The following RNLS variants were observed in gnomAD, a reference collection of about 807,000 sequenced individuals.
The protein encoded by RNLS is renalase, FAD dependent amine oxidase, also known as renalase.
RNLS carries 39 observed loss-of-function variants against 39.8 expected under a neutral mutation model. That is an observed-to-expected ratio of 0.98 (90% CI 0.76 to 1.28). The LOEUF (loss-of-function observed/expected upper bound fraction) is 1.28, where lower values mean the gene tolerates loss of function less well. Among genes scored for constraint, RNLS ranks in the 50% most tolerant of loss-of-function variants. RNLS has a pLI of 0.00. For synonymous variants in RNLS, 147 were observed against 150.7 expected (o/e 0.98, Z 0.18); for missense variants, 410 against 413.3 (o/e 0.99, Z 0.07).
At chr10:88,552,619 G>T (rs1402415689) in intron 4 of RNLS, among the ~76,000 whole-genome samples, 1 of 152,112 alleles carries the variant, frequency 6.6e-6, no homozygotes, top group Non-Finnish European at 1.5e-5. Context: ...AATGACAATT[G>T]TGTTCACAGA....
At chr10:88,300,315 T>G (rs922811170) in intron 6 of RNLS, among the ~76,000 whole-genome samples, 1 of 152,194 alleles carries the variant, frequency 6.6e-6, no homozygotes, top group African/African-American at 2.4e-5. Flanking sequence ...AAAGAGAGAC[T>G]GTCTAATAAA....
At chr10:88,431,559 A>G (rs1488422377) in intron 4 of RNLS, among the ~76,000 whole-genome samples, 4 of 151,706 alleles carry the variant, frequency 2.6e-5, no homozygotes, top group Admixed American at 6.6e-5. Flanking sequence ...CTGAGGTAGA[A>G]AATGAGGTTA....
chr10:88,429,193 G>A (rs1854995443), intron 4 of RNLS, among the ~76,000 whole-genome samples: 1 of 151,904 alleles, frequency 6.6e-6, no homozygotes, highest in East Asian at 1.9e-4. Flanking sequence ...CTTTCTAGCA[G>A]TGGAATCTTG....
At chr10:88,514,209 C>CAA (rs1461102130) in intron 4 of RNLS, among the ~76,000 whole-genome samples, 1 of 151,350 alleles carries the variant, frequency 6.6e-6, no homozygotes, top group Non-Finnish European at 1.5e-5. Flanking sequence ...GAAGGAGAAG[C>CAA]AAGTATGTCT....
At chr10:88,202,235 G>C in the RNLS span, among the ~76,000 whole-genome samples, 1 of 148,354 alleles carries the variant, frequency 6.7e-6, no homozygotes, top group African/African-American at 2.5e-5. Context: ...ACTCATAGGT[G>C]GGAATTGAAC....
chr10:88,314,560 T>A lies in RNLS; in HGVS notation c.782A>T (p.Asp261Val). 6.2e-7 allele frequency: 1 copy of A among 1,613,978 alleles called. No homozygotes were observed. Among genetic ancestry groups the A allele is most frequent in the Non-Finnish European group, 8.5e-7 (1 of 1,179,882 alleles). Reference sequence around the variant, plus strand: ...CTGCTGGAAGACTAACTCTTGCACATCCTCAATGCTGTGTTCCAAGTATGT... The same window carrying A: ...CTGCTGGAAGACTAACTCTTGCACAACCTCAATGCTGTGTTCCAAGTATGT... ...GVTYLEHSIE[D>V]VQELVFQQLE... Residue 261 changes from aspartate (D) to valine (V), a missense_variant, in exon 6 of 7, where the codon GAT becomes GTT. By Grantham distance (152) the Asp-to-Val change is radical. Coordinates refer to ENST00000331772, the MANE Select transcript of RNLS (RefSeq NM_001031709.3).
At chr10:88,316,711 C>T (rs925471511) in intron 5 of RNLS, among the ~76,000 whole-genome samples, 5 of 152,120 alleles carry the variant, frequency 3.3e-5, no homozygotes, top group East Asian at 1.9e-4. Context: ...ATCCACTCCA[C>T]GGAGAGCAAT....
At chr10:88,172,800 T>A in the RNLS span, among the ~76,000 whole-genome samples, 3 of 147,550 alleles carry the variant, frequency 2.0e-5, no homozygotes, top group African/African-American at 7.4e-5. Flanking sequence ...AAGAGTTTAA[T>A]AGTTTGGGGT....
At chr10:88,316,505 A>G (rs1230858359) in intron 5 of RNLS, among the ~76,000 whole-genome samples, 1 of 152,206 alleles carries the variant, frequency 6.6e-6, no homozygotes, top group Non-Finnish European at 1.5e-5. Flanking sequence ...GAAAACTACT[A>G]GGTCAGCATT....
In RNLS at chr10:88,284,828, A is replaced by T. The variant is rs1843159069; in HGVS notation, c.*526T>A. 2.0e-6 allele frequency: 2 copies of T among 985,288 alleles called. No homozygotes were observed. Among genetic ancestry groups the T allele is most frequent in the Admixed American group, 1.2e-4 (2 of 16,248 alleles). 61.0% of individuals were successfully genotyped at this position (985,288 alleles called of 1,614,324 possible). ...AAGATGATGACATATATGACCTACA[A>T]TTCAGGATCACTTAATAACTTGGGG... On this transcript the variant is annotated 3_prime_UTR_variant, in exon 7 of 7. Coordinates refer to ENST00000331772, the MANE Select transcript of RNLS (RefSeq NM_001031709.3).
intron 5 of RNLS, among the ~76,000 whole-genome samples, chr10:88,345,478 G>A (rs1727262346): frequency 6.6e-6 from 1 of 152,136 alleles, no homozygotes; most frequent in African/African-American, 2.4e-5. Context: ...TAATGTGTAA[G>A]TATAAGTATT....
intron 5 of RNLS, among the ~76,000 whole-genome samples, chr10:88,323,293 G>C (rs1846319195): frequency 6.6e-6 from 1 of 151,858 alleles, no homozygotes; most frequent in Non-Finnish European, 1.5e-5. Context: ...ATTCTAATTA[G>C]CCAAAGCAAT....
intron 4 of RNLS, among the ~76,000 whole-genome samples, chr10:88,518,247 G>A (rs1467009839): frequency 6.6e-6 from 1 of 151,820 alleles, no homozygotes; most frequent in African/African-American, 2.4e-5. Flanking sequence ...ACCCATAACA[G>A]TAAGTAGCAT....
intron 4 of RNLS, among the ~76,000 whole-genome samples, chr10:88,472,806 G>A (rs968885797): frequency 6.6e-6 from 1 of 152,162 alleles, no homozygotes; most frequent in Admixed American, 6.5e-5. Flanking sequence ...CAAGTCTCTA[G>A]CACAGGGTTT....
the RNLS span, among the ~76,000 whole-genome samples, chr10:88,191,351 T>C: frequency 6.6e-6 from 1 of 152,166 alleles, no homozygotes; most frequent in African/African-American, 2.4e-5. Context: ...TCTCTCTCTT[T>C]TTAGTTTCTT....
the RNLS span, among the ~76,000 whole-genome samples, chr10:88,221,841 C>T: frequency 6.6e-5 from 10 of 152,088 alleles, 1 homozygote; most frequent in African/African-American, 2.4e-4. Flanking sequence ...TGATTTCTGA[C>T]GGCCTCAGCA....
rs547989081 is a variant in RNLS, at chr10:88,394,890, G to C, written c.527-32165C>G. 8.4e-4 allele frequency among the ~76,000 whole-genome samples: 128 copies of C among 152,256 alleles called. 1 individual carries two copies. Among genetic ancestry groups the C allele is most frequent in the Admixed American group, 2.8e-3 (43 of 15,290 alleles). ...TAAAAATTATGAGTTCATGTCCTTT[G>C]TAGGGACATGGATGAAACTGGAAAC... On this transcript the variant is annotated intron_variant, in intron 4 of 6. Coordinates refer to ENST00000331772, the MANE Select transcript of RNLS (RefSeq NM_001031709.3).
At chr10:88,535,137 A>G (rs1847671169) in intron 4 of RNLS, among the ~76,000 whole-genome samples, 1 of 152,170 alleles carries the variant, frequency 6.6e-6, no homozygotes, top group Non-Finnish European at 1.5e-5. Flanking sequence ...GTAATATTAA[A>G]AATCATGACA....
chr10:88,415,584 G>A (rs1057364865), intron 4 of RNLS, among the ~76,000 whole-genome samples: 4 of 152,092 alleles, frequency 2.6e-5, no homozygotes, highest in Non-Finnish European at 4.4e-5. Flanking sequence ...TCATTTATTG[G>A]TTATGTGATT....
Sources: gnomAD v4.1 joint callset for allele counts (sites outside exome capture counted in the v4.1 genomes callset) on GRCh38, gnomAD v4.1.1 for gene constraint, MANE v1.5 for transcripts, NCBI Gene and HGNC (gene_info 2026-07-23, HGNC 2026-07-21) for gene names.